PADI2: variants seen among roughly 807,000 people sequenced by gnomAD.
PADI2 encodes protein-arginine deiminase type-2.
A neutral mutation model predicts 81.1 loss-of-function variants in PADI2; 70 were observed. The ratio of observed to expected loss-of-function variants is 0.86; its 90% confidence interval spans 0.71 to 1.05. PADI2 has a LOEUF of 1.05. Among genes scored for constraint, PADI2 ranks in the 50% least tolerant of loss-of-function variants. The pLI, the probability that PADI2 is intolerant of heterozygous loss-of-function variation, is 0.00. For missense variants in PADI2, 853 were observed against 889.9 expected (o/e 0.96, Z 0.53); for synonymous variants, 338 against 358.0 (o/e 0.94, Z 0.63).
At chr1:17,102,895 C>A in intron 3 of PADI2, 92 bp downstream of exon 3, 2 of 901,178 alleles carry the variant, frequency 2.2e-6, no homozygotes, top group Non-Finnish European at 1.8e-6. Flanking sequence ...CCAGGTCAGC[C>A]GCACTGAGAA....
At chr1:17,083,901 CCT>C in intron 8 of PADI2, 64 bp from the exon 9 acceptor site, 1 of 950,882 alleles carries the variant, frequency 1.1e-6, no homozygotes, top group East Asian at 2.4e-5. Flanking sequence ...GAGTCATCTC[CCT>C]GAGATGGTGA....
intron 14 of PADI2, among the ~76,000 whole-genome samples, chr1:17,070,724 C>CG (rs2078259505): frequency 6.6e-6 from 1 of 152,082 alleles, no homozygotes; most frequent in African/African-American, 2.4e-5. Context: ...TGCAGTGGCA[C>CG]GATCTCGGTT....
At chr1:17,074,162 C>T (rs564739068) in intron 13 of PADI2, among the ~76,000 whole-genome samples, 5 of 152,082 alleles carry the variant, frequency 3.3e-5, no homozygotes, top group South Asian at 2.1e-4. Context: ...GAGGCTGAGG[C>T]GGGTGGATCA....
intron 1 of PADI2, among the ~76,000 whole-genome samples, chr1:17,118,484 C>CG (rs1931831016): frequency 6.6e-6 from 1 of 152,012 alleles, no homozygotes. Flanking sequence ...TCTGGGATTG[C>CG]GGGGGGAGTG....
At chr1:17,101,708 G>A (rs554059863) in intron 3 of PADI2, among the ~76,000 whole-genome samples, 65 of 152,268 alleles carry the variant, frequency 4.3e-4, no homozygotes, top group Admixed American at 1.9e-3. Context: ...AGAGGAAGGG[G>A]CTGGCTCGGG....
chr1:17,072,974 T>C (rs2078274541), intron 13 of PADI2, among the ~76,000 whole-genome samples: 1 of 152,148 alleles, frequency 6.6e-6, no homozygotes, highest in Non-Finnish European at 1.5e-5. Flanking sequence ...GTTAAATTGG[T>C]CTTGTCTGTC....
intron 2 of PADI2, 101 bp from the exon 3 acceptor site, chr1:17,103,160 T>C: frequency 1.2e-6 from 1 of 821,050 alleles, no homozygotes; most frequent in Non-Finnish European, 2.1e-6. Flanking sequence ...TCACAGCTTG[T>C]CAAGCCAACC....
At chr1:17,113,200 T>G (rs954131582) in intron 1 of PADI2, among the ~76,000 whole-genome samples, 4 of 152,210 alleles carry the variant, frequency 2.6e-5, no homozygotes, top group African/African-American at 9.7e-5. Context: ...CATTATTACT[T>G]GTTTTCAAAA....
chr1:17,090,120 A>C (rs899353750), intron 6 of PADI2, among the ~76,000 whole-genome samples: 5 of 152,222 alleles, frequency 3.3e-5, no homozygotes, highest in African/African-American at 1.2e-4. Context: ...TCCTAGGAGC[A>C]CTGAAGCCTT....
chr1:17,093,732 T>C (rs1930795540), intron 4 of PADI2, 48 bp from the exon 5 acceptor site: 3 of 1,148,560 alleles, frequency 2.6e-6, no homozygotes, highest in Non-Finnish European at 4.0e-6. Flanking sequence ...TATGCTTGTA[T>C]AGACCCCATG....
chr1:17,118,636 C>T (rs1257436903), intron 1 of PADI2, among the ~76,000 whole-genome samples: 1 of 152,174 alleles, frequency 6.6e-6, no homozygotes, highest in Admixed American at 6.5e-5. Context: ...AAGTCCCCGT[C>T]GTCAGCTGGG....
At chr1:17,103,205 A>T (rs1472633211) in intron 2 of PADI2, 146 bp from the exon 3 acceptor site, 1 of 648,790 alleles carries the variant, frequency 1.5e-6, no homozygotes, top group African/African-American at 1.8e-5. Context: ...CTCCAGGAAG[A>T]ACTCCTGGGT....
intron 3 of PADI2, among the ~76,000 whole-genome samples, chr1:17,097,183 C>T (rs890221378): frequency 7.2e-5 from 11 of 152,226 alleles, no homozygotes; most frequent in East Asian, 3.9e-4. Context: ...ACCTGGTGGG[C>T]GCTGGGTGGT....
intron 2 of PADI2, 96 bp downstream of exon 2, chr1:17,104,782 G>T (rs6701159): frequency 0.71 from 742,850 of 1,049,436 alleles, 264,578 homozygotes; most frequent in East Asian, 0.86. Context: ...ATGACACATG[G>T]CCCACGTGCA....
chr1:17,108,239 G>A (rs1482563802), intron 1 of PADI2, among the ~76,000 whole-genome samples: 1 of 152,116 alleles, frequency 6.6e-6, no homozygotes, highest in East Asian at 1.9e-4. Flanking sequence ...GTGAGCCACC[G>A]TGCCTGGCCA....
chr1:17,118,138 T>G (rs577575666), intron 1 of PADI2, among the ~76,000 whole-genome samples: 54 of 152,130 alleles, frequency 3.5e-4, no homozygotes, highest in African/African-American at 1.2e-3. Flanking sequence ...AGACACATGA[T>G]GGGTTGGTGG....
At chr1:17,093,044 C>T (rs1331900711) in intron 5 of PADI2, among the ~76,000 whole-genome samples, 1 of 151,410 alleles carries the variant, frequency 6.6e-6, no homozygotes, top group Non-Finnish European at 1.5e-5. Context: ...AGATGATTAA[C>T]CTTTTGGGAA....
intron 3 of PADI2, among the ~76,000 whole-genome samples, chr1:17,098,325 G>A (rs1018047576): frequency 6.6e-6 from 1 of 152,216 alleles, no homozygotes; most frequent in Non-Finnish European, 1.5e-5. Context: ...GCCGTAAGGT[G>A]ACATTACATT....
chr1:17,082,560 A>G lies in PADI2; in HGVS notation c.1143T>C (p.Pro381=), dbSNP rs2078352155. 3.7e-6 allele frequency: 6 copies of G among 1,610,334 alleles called. No individual in the cohort carries two copies. In the South Asian group the frequency reaches 4.4e-5, roughly 12 times the overall value. ...AGCATCTTACCAGGAGCTCCTTCAC[A>G]GGGAAGTCCTTTAGGTTTCCATCTC... ...SPRDGNLKDF[P]VKELLGPDFG... Residue 381 remains proline, a synonymous_variant, in exon 10 of 16, where the codon CCT becomes CCC. Transcript: ENST00000375486.
Sources: gnomAD v4.1 joint callset for allele counts (sites outside exome capture counted in the v4.1 genomes callset) on GRCh38, gnomAD v4.1.1 for gene constraint, MANE v1.5 for transcripts, NCBI Gene and HGNC (gene_info 2026-07-23, HGNC 2026-07-21) for gene names.